MYO5B: variants seen among roughly 807,000 people sequenced by gnomAD.
MYO5B encodes unconventional myosin-Vb.
In MYO5B, 143 loss-of-function variants were observed where a neutral mutation model predicts 229.3. That is an observed-to-expected ratio of 0.62 (90% CI 0.54 to 0.72). MYO5B has a LOEUF of 0.72. MYO5B is among the 30% of genes least tolerant of loss of function. MYO5B has a pLI of 0.00. For missense variants in MYO5B, 2,321 were observed against 2,331.0 expected, an observed-to-expected ratio of 1.00 and a Z score of 0.09; for synonymous variants, 918 against 885.2, an observed-to-expected ratio of 1.04 and a Z score of -0.66.
intron 2 of MYO5B, among the ~76,000 whole-genome samples, chr18:50,048,263 G>A (rs2030293464): frequency 6.6e-6 from 1 of 152,112 alleles, no homozygotes; most frequent in South Asian, 2.1e-4. Flanking sequence ...GCACCATGAA[G>A]CACAGCACAG....
intron 16 of MYO5B, 77 bp from the exon 17 acceptor site, chr18:49,929,675 A>T (rs1451407837): frequency 7.8e-7 from 1 of 1,279,246 alleles, no homozygotes; most frequent in African/African-American, 1.5e-5. Flanking sequence ...AACAAAAAAG[A>T]ATCTTTTCCT....
In MYO5B at chr18:49,990,432, G is replaced by T; in HGVS notation, c.838+7C>A. 1.2e-6 allele frequency: 2 copies of T among 1,611,212 alleles called. No individual in the cohort carries two copies. The highest frequency in any genetic ancestry group is 2.2e-5 in the South Asian group (2 of 90,958). Reference sequence around the variant, plus strand: ...CCCAGAGGATAGGCATGCACCTGTTGACTTACTTAGTGCAAGCTCTTTAAA... The same window carrying T: ...CCCAGAGGATAGGCATGCACCTGTTTACTTACTTAGTGCAAGCTCTTTAAA... On this transcript the variant is annotated splice_region_variant and intron_variant, in intron 7 of 39. Transcript: ENST00000285039.
intron 22 of MYO5B, among the ~76,000 whole-genome samples, chr18:49,889,917 C>T (rs935987386): frequency 4.6e-5 from 7 of 152,194 alleles, no homozygotes; most frequent in Non-Finnish European, 8.8e-5. Context: ...CTTGTTGCTT[C>T]CCTCTGTCTC....
At chr18:49,969,220 T>C (rs2144271897) in intron 10 of MYO5B, among the ~76,000 whole-genome samples, 1 of 152,324 alleles carries the variant, frequency 6.6e-6, no homozygotes, top group East Asian at 1.9e-4. Context: ...CCCTCCATTT[T>C]CTGTGAAACC....
chr18:49,962,473 G>A (rs1012610663), intron 11 of MYO5B, 67 bp from the exon 12 acceptor site: 16 of 1,603,724 alleles, frequency 1.0e-5, no homozygotes, highest in African/African-American at 9.4e-5. Context: ...TCCCCCAGGG[G>A]CTCAGTGAGT....
In MYO5B at chr18:50,079,364, C is replaced by G. The variant is rs1313518736; in HGVS notation, c.28-23986G>C. 5.3e-5 allele frequency among the ~76,000 whole-genome samples: 8 copies of G among 152,348 alleles called. No homozygotes were observed. The East Asian group carries it at 1.5e-3, about 29-fold the overall frequency. On this transcript the variant is annotated intron_variant, in intron 1 of 39. Transcript: ENST00000285039. ...GTACCACACTTAACTTGTGGTATCT[C>G]TTCCTCCACAGAACGCTGTCCCACA...
At chr18:50,164,801 T>C (rs1431683933) in intron 1 of MYO5B, among the ~76,000 whole-genome samples, 1 of 152,204 alleles carries the variant, frequency 6.6e-6, no homozygotes, top group African/African-American at 2.4e-5. Context: ...GTCAGTATGT[T>C]CTCATTGTTC....
chr18:49,827,431 A>G lies in MYO5B; in HGVS notation c.5395-808T>C, dbSNP rs559465716. 2.0e-5 allele frequency among the ~76,000 whole-genome samples: 3 copies of G among 152,326 alleles called. No individual in the cohort carries two copies. The South Asian group carries it at 6.2e-4, about 32-fold the overall frequency. ...TGGTTTAGACATTCCTTGGGATGCA[A>G]TGGCTTCCACTAGTGGCATCAACTG... On this transcript the variant is annotated intron_variant, in intron 39 of 39. Transcript: ENST00000285039.
rs535549341 is a variant in MYO5B, at chr18:50,089,617, T to A, written c.28-34239A>T. On this transcript the variant is annotated intron_variant, in intron 1 of 39. Coordinates refer to ENST00000285039, the MANE Select transcript of MYO5B (RefSeq NM_001080467.3). ...TCAAAAAATTAGCCAGGTGTGGTGG[T>A]ACCTGCCTGTGTCCCAGTGTCGTAG... 1.4e-4 allele frequency among the ~76,000 whole-genome samples: 21 copies of A among 151,458 alleles called. No individual in the cohort carries two copies. In the South Asian group the frequency reaches 4.0e-3, roughly 29 times the overall value.
intron 4 of MYO5B, among the ~76,000 whole-genome samples, chr18:50,004,470 A>G (rs2026080106): frequency 6.6e-6 from 1 of 152,260 alleles, no homozygotes; most frequent in African/African-American, 2.4e-5. Flanking sequence ...GCTGATATGT[A>G]GGCTAAAGTC....
chr18:49,884,302 G>C (rs956229048), intron 22 of MYO5B, among the ~76,000 whole-genome samples: 7 of 152,162 alleles, frequency 4.6e-5, no homozygotes, highest in Non-Finnish European at 1.0e-4. Context: ...CCACGGACCA[G>C]GGTGACGGGG....
intron 30 of MYO5B, 63 bp from the exon 31 acceptor site, chr18:49,853,710 C>A: frequency 6.7e-7 from 1 of 1,482,078 alleles, no homozygotes; most frequent in Non-Finnish European, 9.2e-7. Context: ...TGAGGGGACA[C>A]AGGCAGAAAC....
chr18:49,976,726 C>G (rs1200910696), intron 9 of MYO5B, among the ~76,000 whole-genome samples: 3 of 152,110 alleles, frequency 2.0e-5, no homozygotes, highest in African/African-American at 7.2e-5. Context: ...GTGGAGAAGC[C>G]CCCATCTTTT....
intron 1 of MYO5B, among the ~76,000 whole-genome samples, chr18:50,153,752 A>C (rs1347908372): frequency 6.6e-6 from 1 of 152,136 alleles, no homozygotes; most frequent in Non-Finnish European, 1.5e-5. Flanking sequence ...GCCCGGCCTC[A>C]CTTTCTTTAT....
chr18:50,040,369 T>A, intron 2 of MYO5B, 55 bp from the exon 3 acceptor site: 1 of 1,484,030 alleles, frequency 6.7e-7, no homozygotes, highest in Non-Finnish European at 9.4e-7. Flanking sequence ...GTTAAGTCTG[T>A]ATTCAATGTC....
chr18:50,115,890 C>CA (rs2031953821), intron 1 of MYO5B, among the ~76,000 whole-genome samples: 4 of 152,052 alleles, frequency 2.6e-5, no homozygotes, highest in African/African-American at 9.7e-5. Flanking sequence ...CTGTTAATGG[C>CA]TGCTTGCCTT....
chr18:50,129,930 C>T lies in MYO5B; in HGVS notation c.27+64837G>A, dbSNP rs112761299. Among the ~76,000 whole-genome samples, 1,198 of 152,274 alleles carry T rather than the reference C, an allele frequency of 7.9e-3. 16 individuals carry two copies. The highest frequency in any genetic ancestry group is 0.027 in the African/African-American group (1,135 of 41,550). On this transcript the variant is annotated intron_variant, in intron 1 of 39. Transcript: ENST00000285039. ...GCTTCTTTAGACAGAAAAATGAAAA[C>T]TAAACCAACTTTTTTTCCCAATGAC...
rs1599095986 is a variant in MYO5B at position 50,194,876 on chromosome 18, T to C, written c.-83A>G. The C allele has an allele frequency of 2.4e-6, 3 of 1,235,496 alleles. No individual in the cohort carries two copies. Among genetic ancestry groups the C allele is most frequent in the East Asian group, 6.6e-5 (2 of 30,146 alleles). 76.5% of individuals were successfully genotyped at this position (1,235,496 alleles called of 1,614,324 possible). ...CGCGGCTGGCCCGCCTGGCGCCATG[T>C]TCCCGGGCTGGCCTGGAGTTTCTCG... On this transcript the variant is annotated 5_prime_UTR_variant, in exon 1 of 40. Coordinates refer to ENST00000285039, the MANE Select transcript of MYO5B (RefSeq NM_001080467.3).
chr18:50,112,067 C>T (rs182237604), intron 1 of MYO5B, among the ~76,000 whole-genome samples: 12 of 152,270 alleles, frequency 7.9e-5, no homozygotes, highest in Non-Finnish European at 4.4e-5. Context: ...TGGTAAGGGG[C>T]TTGGAAACAA....
Sources: allele counts gnomAD v4.1 joint callset (sites outside exome capture counted in the v4.1 genomes callset), GRCh38; gene constraint gnomAD v4.1.1; transcripts MANE v1.5; gene names NCBI Gene and HGNC (gene_info 2026-07-23, HGNC 2026-07-21).